The following MYO3B variants were observed in gnomAD, a reference collection of about 807,000 sequenced individuals.
MYO3B encodes the protein myosin-IIIb.
A neutral mutation model predicts 174.6 loss-of-function variants in MYO3B; 156 were observed. That is an observed-to-expected ratio of 0.89 (90% confidence interval 0.78 to 1.02). The LOEUF is 1.02. Ranked by LOEUF, MYO3B falls within the 50% of genes least tolerant of loss-of-function variation. MYO3B has a pLI of 0.00. For missense variants in MYO3B, 1,632 were observed against 1,639.4 expected (o/e 1.00, Z 0.08); for synonymous variants, 563 against 569.1 (o/e 0.99, Z 0.15).
intron 20 of MYO3B, among the ~76,000 whole-genome samples, 161 bp downstream of exon 20, chr2:170,404,561 A>C (rs1334325831): frequency 3.9e-5 from 6 of 152,182 alleles, no homozygotes; most frequent in Middle Eastern, 3.2e-3. Flanking sequence ...GTTGTGGTAG[A>C]ATTTGAATGT....
chr2:170,383,638 G>C, intron 11 of MYO3B, 72 bp from the exon 12 acceptor site: 1 of 1,176,280 alleles, frequency 8.5e-7, no homozygotes, highest in Non-Finnish European at 1.3e-6. Flanking sequence ...CAGATTCTTG[G>C]TTTCATGGGC....
At chr2:170,413,404 G>A (rs2094558091) in intron 22 of MYO3B, among the ~76,000 whole-genome samples, 1 of 152,166 alleles carries the variant, frequency 6.6e-6, no homozygotes, top group African/African-American at 2.4e-5. Flanking sequence ...GAGGGAGGTT[G>A]TGAGGAGGAA....
chr2:170,428,553 A>G (rs531250349), intron 22 of MYO3B, among the ~76,000 whole-genome samples: 1 of 152,332 alleles, frequency 6.6e-6, no homozygotes, highest in African/African-American at 2.4e-5. Flanking sequence ...TTTTTGAACA[A>G]TACTGTTTAC....
chr2:170,356,312 C>T (rs1352247628), intron 8 of MYO3B, among the ~76,000 whole-genome samples: 2 of 151,812 alleles, frequency 1.3e-5, no homozygotes, highest in Non-Finnish European at 2.9e-5. Flanking sequence ...CCCTATTAAA[C>T]CCATAGCTGC....
At chr2:170,485,851 C>T (rs572955407) in intron 25 of MYO3B, among the ~76,000 whole-genome samples, 8 of 152,262 alleles carry the variant, frequency 5.3e-5, no homozygotes, top group African/African-American at 1.9e-4. Flanking sequence ...TAAACTCTGT[C>T]ACTGGAAACA....
intron 30 of MYO3B, among the ~76,000 whole-genome samples, chr2:170,526,780 T>C (rs1277942356): frequency 2.0e-5 from 3 of 152,232 alleles, no homozygotes; most frequent in East Asian, 1.9e-4. Context: ...TTTTGAGTTA[T>C]ATTTTTCCTT....
chr2:170,362,914 C>G (rs141540088), intron 8 of MYO3B, among the ~76,000 whole-genome samples: 20 of 152,292 alleles, frequency 1.3e-4, no homozygotes, highest in Non-Finnish European at 2.4e-4. Flanking sequence ...TTGTCATAGT[C>G]TTGTCTTGCA....
intron 32 of MYO3B, among the ~76,000 whole-genome samples, chr2:170,635,715 C>T (rs917847391): frequency 7.9e-5 from 12 of 152,026 alleles, no homozygotes; most frequent in African/African-American, 2.4e-4. Context: ...TAAGTCTAAT[C>T]TGTGATCAAA....
At chr2:170,353,141 A>G (rs1408286766) in intron 8 of MYO3B, among the ~76,000 whole-genome samples, 1 of 152,234 alleles carries the variant, frequency 6.6e-6, no homozygotes, top group Non-Finnish European at 1.5e-5. Flanking sequence ...AAGTGCCAAA[A>G]CTTGGAAATC....
intron 16 of MYO3B, among the ~76,000 whole-genome samples, chr2:170,398,497 T>C (rs2094454505): frequency 6.6e-6 from 1 of 152,110 alleles, no homozygotes; most frequent in South Asian, 2.1e-4. Flanking sequence ...TCCCCAGAGA[T>C]TGGGTTGAGG....
intron 13 of MYO3B, 81 bp from the exon 14 acceptor site, chr2:170,387,025 G>A (rs943395698): frequency 5.8e-6 from 8 of 1,374,936 alleles, no homozygotes; most frequent in Non-Finnish European, 7.1e-6. Flanking sequence ...GTGGATTTTG[G>A]TGGGCAAGGG....
chr2:170,649,195 T>A lies in MYO3B; in HGVS notation c.3734-2433T>A, dbSNP rs186207589. ...TATATTATATATAAAATAATATATA[T>A]TATATATAAAATAATATATAATATA... On this transcript the variant is annotated intron_variant, in intron 32 of 34. Transcript: ENST00000408978. 2.6e-3 allele frequency among the ~76,000 whole-genome samples: 87 copies of A among 32,962 alleles called. 6 individuals are homozygous for A. The highest frequency in any genetic ancestry group is 5.1e-3 in the East Asian group (8 of 1,574). 21.6% of individuals were successfully genotyped at this position (32,962 alleles called of 152,430 possible).
chr2:170,628,631 G>A (rs1696674637), intron 32 of MYO3B, among the ~76,000 whole-genome samples: 1 of 152,204 alleles, frequency 6.6e-6, no homozygotes, highest in East Asian at 1.9e-4. Context: ...CGTTCACGCT[G>A]GGAGCTGTAG....
chr2:170,392,417 C>T lies in MYO3B; in HGVS notation c.1713C>T (p.Asp571=). The change falls in exon 16 of 35, where the codon GAC becomes GAT. Residue 571 remains aspartate (D), a synonymous_variant. Transcript: ENST00000408978. ...IADETGRVMH[D]ITSKESYRRQ... is the part of the protein sequence containing the mutation. ...ATGAAACTGGAAGGGTGATGCACGA[C>T]ATAACTTCCAAGGAGTCTTACAGAA... 3 of 1,601,300 alleles carry T rather than the reference C, an allele frequency of 1.9e-6. No individual in the cohort carries two copies. The highest frequency in any genetic ancestry group is 2.6e-6 in the Non-Finnish European group (3 of 1,172,394).
At chr2:170,412,734 C>T (rs1016088867) in intron 22 of MYO3B, among the ~76,000 whole-genome samples, 30 of 152,178 alleles carry the variant, frequency 2.0e-4, no homozygotes, top group African/African-American at 7.2e-4. Context: ...CCACTTATGG[C>T]TGTTGGTCTA....
intron 5 of MYO3B, among the ~76,000 whole-genome samples, chr2:170,216,598 C>T (rs576280376): frequency 6.6e-6 from 1 of 152,262 alleles, no homozygotes; most frequent in African/African-American, 2.4e-5. Flanking sequence ...ACATTGAGCC[C>T]CAGATAATGT....
chr2:170,486,007 G>GGAGAGA (rs138105393), intron 25 of MYO3B, among the ~76,000 whole-genome samples: 3 of 149,942 alleles, frequency 2.0e-5, no homozygotes, highest in East Asian at 2.0e-4. Context: ...AAAGAAAGAG[G>GGAGAGA]GAGAGAGAGA....
chr2:170,521,018 T>C (rs1041437439), intron 30 of MYO3B, among the ~76,000 whole-genome samples: 2 of 152,204 alleles, frequency 1.3e-5, no homozygotes, highest in Non-Finnish European at 2.9e-5. Context: ...GTCAAAGATT[T>C]CAAGAAAGAA....
chr2:170,482,525 C>A (rs192073481), intron 25 of MYO3B, among the ~76,000 whole-genome samples: 2 of 152,220 alleles, frequency 1.3e-5, no homozygotes, highest in South Asian at 4.1e-4. Context: ...TGCCATGATT[C>A]TGAGGCCTCC....
Sources: gnomAD v4.1 joint callset for allele counts (sites outside exome capture counted in the v4.1 genomes callset) on GRCh38, gnomAD v4.1.1 for gene constraint, MANE v1.5 for transcripts, NCBI Gene and HGNC (gene_info 2026-07-23, HGNC 2026-07-21) for gene names.